ROBO1: variants seen among roughly 807,000 people sequenced by gnomAD.
ROBO1 encodes roundabout homolog 1.
Under a neutral mutation model 195.9 loss-of-function variants are expected in ROBO1, and 149 were observed. The ratio of observed to expected loss-of-function variants is 0.76; its 90% CI spans 0.67 to 0.87. The LOEUF (loss-of-function observed/expected upper bound fraction) is 0.87, where lower values mean the gene tolerates loss of function less well. ROBO1 is among the 40% of genes least tolerant of loss of function. The pLI is 0.00. For synonymous variants in ROBO1, 816 were observed against 733.2 expected, an observed-to-expected ratio of 1.11 and a Z score of -1.82; for missense variants, 1,933 against 2,068.3, an observed-to-expected ratio of 0.93 and a Z score of 1.27.
Position 78,726,567 on chromosome 3 carries a change from C to T in ROBO1, c.658-8684G>A, listed in dbSNP as rs185931208. ...TGAGAGGTTTTGAATGATAGTCTAG[C>T]GTATCATCCTTAAACAATTCACCAC... On this transcript the variant is annotated intron_variant, in intron 5 of 30. Coordinates refer to ENST00000464233, the MANE Select transcript of ROBO1 (RefSeq NM_002941.4). 2.7e-3 allele frequency among the ~76,000 whole-genome samples: 407 copies of T among 152,234 alleles called. 2 individuals are homozygous for T. Among genetic ancestry groups the T allele is most frequent in the African/African-American group, 8.8e-3 (367 of 41,526 alleles).
chr3:78,701,216 T>C (rs1175366093), intron 8 of ROBO1, among the ~76,000 whole-genome samples: 1 of 152,216 alleles, frequency 6.6e-6, no homozygotes, highest in Non-Finnish European at 1.5e-5. Context: ...TAACAAGAAA[T>C]GATTTAAATA....
chr3:78,987,990 T>C (rs938415561), intron 3 of ROBO1, among the ~76,000 whole-genome samples: 10 of 152,108 alleles, frequency 6.6e-5, no homozygotes, highest in Non-Finnish European at 1.2e-4. Flanking sequence ...ATGAACAAGA[T>C]AAAAAGTGAA....
chr3:78,788,237 T>G (rs2083903030), intron 4 of ROBO1, among the ~76,000 whole-genome samples: 1 of 151,560 alleles, frequency 6.6e-6, no homozygotes, highest in Admixed American at 6.6e-5. Flanking sequence ...TGCCTCAGCC[T>G]CCCGAGTAGC....
In ROBO1 at chr3:78,770,891, C is replaced by T. The variant is rs531188759; in HGVS notation, c.500-23991G>A. 5.3e-5 allele frequency among the ~76,000 whole-genome samples: 8 copies of T among 152,078 alleles called. No homozygotes were observed. In the East Asian group the frequency reaches 1.6e-3, roughly 29 times the overall value. On this transcript the variant is annotated intron_variant, in intron 4 of 30. Coordinates refer to ENST00000464233, the MANE Select transcript of ROBO1 (RefSeq NM_002941.4). ...ACCAACCTGGGCAACAGAGTAAGAC[C>T]TTGTCTCTATAAATAATAATAAAAA...
chr3:78,878,657 A>C (rs1356135728), intron 4 of ROBO1, among the ~76,000 whole-genome samples: 4 of 151,256 alleles, frequency 2.6e-5, no homozygotes, highest in African/African-American at 4.9e-5. Context: ...ATAACCAGCC[A>C]AAATAAAATA....
chr3:78,705,286 G>A (rs1429799323), intron 8 of ROBO1, among the ~76,000 whole-genome samples: 1 of 152,192 alleles, frequency 6.6e-6, no homozygotes. Flanking sequence ...GGAAGAAGCT[G>A]AGAAAAACAA....
At chr3:79,224,599 G>C (rs2108835606) in intron 2 of ROBO1, among the ~76,000 whole-genome samples, 1 of 152,344 alleles carries the variant, frequency 6.6e-6, no homozygotes, top group Admixed American at 6.5e-5. Flanking sequence ...CCACATGTGT[G>C]CTGTGCCCTC....
chr3:79,610,876 A>G (rs1337718476), intron 1 of ROBO1, among the ~76,000 whole-genome samples: 1 of 152,086 alleles, frequency 6.6e-6, no homozygotes, highest in East Asian at 1.9e-4. Context: ...AGAACTCAAA[A>G]AACATTAGGA....
At chr3:79,200,437 T>C (rs1576806150) in intron 2 of ROBO1, among the ~76,000 whole-genome samples, 1 of 151,850 alleles carries the variant, frequency 6.6e-6, no homozygotes, top group African/African-American at 2.4e-5. Flanking sequence ...ATATTTTATA[T>C]ATATGATTCT....
intron 7 of ROBO1, chr3:78,715,189 G>A (rs2081869581): frequency 6.6e-6 from 1 of 152,000 alleles, no homozygotes; most frequent in African/African-American, 2.4e-5. Context: ...ATTCATCTAA[G>A]TTCCAAATTT....
chr3:79,138,481 T>C (rs929807521), intron 2 of ROBO1, among the ~76,000 whole-genome samples: 3 of 152,044 alleles, frequency 2.0e-5, no homozygotes, highest in Non-Finnish European at 4.4e-5. Context: ...AATATTATAG[T>C]CACCATAAAT....
chr3:79,684,960 C>T (rs1397980140), intron 1 of ROBO1, among the ~76,000 whole-genome samples: 3 of 151,976 alleles, frequency 2.0e-5, no homozygotes, highest in Non-Finnish European at 4.4e-5. Context: ...ACAGGTACTC[C>T]AGGCATTTTA....
At chr3:79,139,025 G>T (rs1479761635) in intron 2 of ROBO1, among the ~76,000 whole-genome samples, 1 of 151,834 alleles carries the variant, frequency 6.6e-6, no homozygotes, top group East Asian at 1.9e-4. Flanking sequence ...TACAAAAATT[G>T]TCAAGTAGAG....
At position 78,919,652 on chromosome 3, in the gene ROBO1, G is replaced by A. The variant is rs115753913; in HGVS notation, c.499+18949C>T. 3.1e-3 allele frequency among the ~76,000 whole-genome samples: 465 copies of A among 152,286 alleles called. 2 individuals are homozygous for A. Among genetic ancestry groups the A allele is most frequent in the African/African-American group, 0.011 (446 of 41,558 alleles). On this transcript the variant is annotated intron_variant, in intron 4 of 30. Transcript: ENST00000464233. ...ATCTCCCTGGTCATGTTATTTTACAGGGCCAGATTAAATAATGGTTTCTTT... is the reference window on the plus strand; with the variant it reads ...ATCTCCCTGGTCATGTTATTTTACAAGGCCAGATTAAATAATGGTTTCTTT...
intron 1 of ROBO1, among the ~76,000 whole-genome samples, chr3:79,690,103 T>C (rs1947255775): frequency 6.6e-6 from 1 of 151,978 alleles, no homozygotes; most frequent in African/African-American, 2.4e-5. Flanking sequence ...TTTCCAAATA[T>C]CTTTACAAAA....
chr3:78,769,006 T>G, intron 4 of ROBO1, among the ~76,000 whole-genome samples: 1 of 152,234 alleles, frequency 6.6e-6, no homozygotes, highest in Admixed American at 6.5e-5. Flanking sequence ...TCTTGGAGAA[T>G]GTTCCATGGG....
chr3:79,706,759 G>A (rs9882982), intron 1 of ROBO1, among the ~76,000 whole-genome samples: 44,139 of 151,810 alleles, frequency 0.29, 7,419 homozygotes, highest in African/African-American at 0.47. Context: ...ATTGTGAGGC[G>A]TCCCCAGCTA....
intron 1 of ROBO1, among the ~76,000 whole-genome samples, chr3:79,715,495 T>A (rs1343533237): frequency 6.6e-6 from 1 of 152,096 alleles, no homozygotes; most frequent in Admixed American, 6.5e-5. Flanking sequence ...GTACTTTAAA[T>A]TAACATATGT....
chr3:79,615,536 T>C (rs1296402006), intron 1 of ROBO1, among the ~76,000 whole-genome samples: 1 of 152,198 alleles, frequency 6.6e-6, no homozygotes, highest in Non-Finnish European at 1.5e-5. Context: ...GGTTGAGATC[T>C]GTCCGAAATA....
Sources: allele counts gnomAD v4.1 joint callset (sites outside exome capture counted in the v4.1 genomes callset), GRCh38; gene constraint gnomAD v4.1.1; transcripts MANE v1.5; gene names NCBI Gene and HGNC (gene_info 2026-07-23, HGNC 2026-07-21).